The following TNPO1 variants were observed in gnomAD, a reference collection of about 807,000 sequenced individuals.
TNPO1 encodes the protein transportin-1.
Under a neutral mutation model 119.5 loss-of-function variants are expected in TNPO1, and 8 were observed. That is an observed-to-expected ratio of 0.07 (90% confidence interval 0.04 to 0.12). TNPO1 has a LOEUF of 0.12. TNPO1 is among the 10% of genes least tolerant of loss of function. The probability of loss-of-function intolerance (pLI) is 1.00; values close to 1 mark genes in which losing one functional copy is unlikely to be tolerated. For missense variants in TNPO1, 576 were observed against 1,089.8 expected, an observed-to-expected ratio of 0.53 and a Z score of 6.64; for synonymous variants, 362 against 363.0, an observed-to-expected ratio of 1.00 and a Z score of 0.03.
intron 3 of TNPO1, 78 bp from the exon 4 acceptor site, chr5:72,855,695 TA>T: frequency 8.3e-7 from 1 of 1,206,742 alleles, no homozygotes; most frequent in Non-Finnish European, 1.2e-6. Flanking sequence ...CTTTTGAATA[TA>T]AATGTTTTTA....
intron 1 of TNPO1, among the ~76,000 whole-genome samples, chr5:72,826,064 C>T (rs2112173662): frequency 6.6e-6 from 1 of 152,188 alleles, no homozygotes; most frequent in East Asian, 1.9e-4. Context: ...TACTTTAGGA[C>T]TCTTGCTGGC....
In TNPO1 at chr5:72,861,777, G is replaced by A. The variant is rs757277888; in HGVS notation, c.356-31G>A. The A allele has an allele frequency of 4.7e-6, 7 of 1,490,892 alleles. No individual in the cohort carries two copies. The Admixed American group carries it at 1.2e-4, about 25-fold the overall frequency. 92.4% of individuals were successfully genotyped at this position (1,490,892 alleles called of 1,614,324 possible). A position where few individuals can be genotyped will look rare whatever the true frequency, so the allele number is the denominator to read the frequency against. On this transcript the variant is annotated intron_variant, in intron 4 of 24. Transcript: ENST00000337273. ...GGCAATGCCTGACATAATGCTGTTG[G>A]ATTTCCTAAAGAAGTGTGTTTTTGT...
At chr5:72,836,350 C>T (rs543332815) in intron 1 of TNPO1, among the ~76,000 whole-genome samples, 1 of 152,346 alleles carries the variant, frequency 6.6e-6, no homozygotes, top group South Asian at 2.1e-4. Flanking sequence ...GCATTCTGTG[C>T]ACCTGCAGAG....
chr5:72,869,560 A>C (rs924374163), intron 6 of TNPO1, among the ~76,000 whole-genome samples: 49 of 152,178 alleles, frequency 3.2e-4, no homozygotes, highest in Non-Finnish European at 1.2e-4. Context: ...AAAATAAATA[A>C]AGACAGTTTT....
rs1205106054 is a variant in TNPO1, at chr5:72,883,124, C to T, written c.1042C>T (p.His348Tyr). The T allele has an allele frequency of 3.7e-6, 6 of 1,613,914 alleles. No homozygotes were observed. The highest frequency in any genetic ancestry group is 5.1e-6 in the Non-Finnish European group (6 of 1,180,022). ...TGAACAGGATATACGGCCACGTTTT[C>T]ACCGATCGAGGACGGTGGCTCAGCA... ...DSEQDIRPRF[H>Y]RSRTVAQQHD... Residue 348 changes from histidine (H) to tyrosine (Y), a missense_variant, in exon 11 of 25, where the codon CAC (histidine) becomes TAC (tyrosine). By Grantham distance (83) the His-to-Tyr change is moderately conservative. Around this residue, in one of 6 missense-constraint regions of TNPO1, gnomAD observed 310 missense variants for 583.0 expected, o/e 0.53. Transcript: ENST00000337273.
chr5:72,884,254 T>C (rs1347495192), intron 11 of TNPO1, among the ~76,000 whole-genome samples: 1 of 152,190 alleles, frequency 6.6e-6, no homozygotes, highest in Non-Finnish European at 1.5e-5. Flanking sequence ...ATTATAGTCA[T>C]TCTAGTGGAC....
chr5:72,900,536 AAGCTATAT>A (rs1254752198), intron 21 of TNPO1, among the ~76,000 whole-genome samples: 3 of 152,194 alleles, frequency 2.0e-5, no homozygotes, highest in Non-Finnish European at 4.4e-5. Context: ...TCTACACCAT[AAGCTATAT>A]AGTAATAGTT....
chr5:72,895,229 C>T (rs535380884), intron 18 of TNPO1, among the ~76,000 whole-genome samples: 4 of 152,106 alleles, frequency 2.6e-5, no homozygotes, highest in East Asian at 1.9e-4. Context: ...TTCCTCTGTC[C>T]GTTGTATTTA....
At chr5:72,848,336 C>T (rs752668203) in intron 1 of TNPO1, 49 bp from the exon 2 acceptor site, 14 of 1,560,384 alleles carry the variant, frequency 9.0e-6, no homozygotes, top group African/African-American at 1.4e-5. Context: ...GCCTGTGCAC[C>T]GGGAGTAACA....
At chr5:72,850,554 T>G (rs1745463384) in intron 2 of TNPO1, among the ~76,000 whole-genome samples, 1 of 152,160 alleles carries the variant, frequency 6.6e-6, no homozygotes, top group South Asian at 2.1e-4. Context: ...AGCATGTTAG[T>G]TAGGGGTTGG....
intron 22 of TNPO1, among the ~76,000 whole-genome samples, chr5:72,901,624 G>T (rs918939199): frequency 2.6e-5 from 4 of 152,156 alleles, no homozygotes; most frequent in Non-Finnish European, 4.4e-5. Context: ...CATGAGTCCA[G>T]TTAAGCATCT....
intron 1 of TNPO1, among the ~76,000 whole-genome samples, chr5:72,830,943 C>G (rs1487609088): frequency 1.3e-5 from 2 of 152,106 alleles, no homozygotes; most frequent in Admixed American, 6.6e-5. Flanking sequence ...ACCTTAAAGA[C>G]TAAACAGGCA....
intron 6 of TNPO1, among the ~76,000 whole-genome samples, chr5:72,870,925 T>C (rs1008724970): frequency 1.3e-5 from 2 of 152,138 alleles, no homozygotes; most frequent in African/African-American, 4.8e-5. Context: ...TGTAGTTTAA[T>C]CCCCCCAACA....
intron 1 of TNPO1, among the ~76,000 whole-genome samples, chr5:72,832,024 A>T (rs984099988): frequency 1.3e-5 from 2 of 152,054 alleles, no homozygotes; most frequent in Non-Finnish European, 2.9e-5. Context: ...TTTACTATTG[A>T]TACTAGAAAT....
intron 5 of TNPO1, among the ~76,000 whole-genome samples, chr5:72,863,982 A>G (rs1356872970): frequency 3.3e-5 from 5 of 152,208 alleles, no homozygotes; most frequent in South Asian, 2.1e-4. Context: ...TAAATAAACA[A>G]TATTCCCATC....
At position 72,851,340 on chromosome 5, in the gene TNPO1, T is replaced by A. The variant is rs757289579; in HGVS notation, c.205+21T>A. On this transcript the variant is annotated intron_variant, in intron 3 of 24. Coordinates refer to ENST00000337273, the MANE Select transcript of TNPO1 (RefSeq NM_002270.4). ...TGAAGGTAAGTAGGATTTGTATTGA[T>A]AACTATTTAAAGTTTCTTTAAGACC... is the stretch of plus-strand genomic sequence containing the variant. 18 of 1,388,710 alleles carry A rather than the reference T, an allele frequency of 1.3e-5. No homozygotes were observed. The South Asian group carries it at 2.1e-4, about 16-fold the overall frequency. The allele number at this position is 1,388,710 out of a possible 1,614,324, so 86.0% of individuals were successfully genotyped here.
At position 72,887,178 on chromosome 5, in the gene TNPO1, T is replaced by C; in HGVS notation, c.1259T>C (p.Val420Ala). Residue 420 changes from valine (V) to alanine (A), a missense_variant, in exon 12 of 25, where the codon GTT becomes GCT. By Grantham distance (64) the Val-to-Ala change is moderately conservative. Around this residue, in one of 6 missense-constraint regions of TNPO1, gnomAD observed 310 missense variants for 583.0 expected, o/e 0.53. Transcript: ENST00000337273. ...GAATTACTTTTTCATCATGAATGGG[T>C]TGTTAAAGAATCAGGCATTTTGGTT... is the stretch of plus-strand genomic sequence containing the variant. ...LKELLFHHEW[V>A]VKESGILVLG... 2 of 1,613,508 alleles carry C rather than the reference T, an allele frequency of 1.2e-6. No individual in the cohort carries two copies.
At chr5:72,851,352 G>A (rs1045497878) in intron 3 of TNPO1, 33 bp downstream of exon 3, 2 of 1,230,324 alleles carry the variant, frequency 1.6e-6, no homozygotes, top group East Asian at 2.3e-5. Flanking sequence ...ACTATTTAAA[G>A]TTTCTTTAAG....
chr5:72,816,786 C>G lies in TNPO1; in HGVS notation c.15+34C>G, dbSNP rs188424030. Reference sequence around the variant, plus strand: ...CGTGAGGGTGCGCGGCCCCGAACTGCAGGGGCGGGAACGGAGGCTGGGAGC... The same window carrying G: ...CGTGAGGGTGCGCGGCCCCGAACTGGAGGGGCGGGAACGGAGGCTGGGAGC... On this transcript the variant is annotated intron_variant, in intron 1 of 24. Coordinates refer to ENST00000337273, the MANE Select transcript of TNPO1 (RefSeq NM_002270.4). 3.8e-4 allele frequency: 593 copies of G among 1,573,930 alleles called. 4 individuals are homozygous for G. The African/African-American group carries it at 7.4e-3, about 20-fold the overall frequency.
Sources: allele counts gnomAD v4.1 joint callset (sites outside exome capture counted in the v4.1 genomes callset), GRCh38; gene constraint gnomAD v4.1.1; regional missense constraint gnomAD v4.1.1; transcripts MANE v1.5; gene names NCBI Gene and HGNC (gene_info 2026-07-23, HGNC 2026-07-21).